Variants in HPS6 observed in about 807,000 individuals in gnomAD.
The protein encoded by HPS6 is BLOC-2 complex member HPS6.
HPS6 carries 46 observed loss-of-function variants against 53.6 expected under a neutral mutation model. The ratio of observed to expected loss-of-function variants is 0.86; its 90% CI spans 0.68 to 1.10. The LOEUF (loss-of-function observed/expected upper bound fraction) is 1.10, where lower values mean the gene tolerates loss of function less well. HPS6 is among the 50% of genes least tolerant of loss of function. The pLI, the probability that HPS6 is intolerant of heterozygous loss-of-function variation, is 0.00. For synonymous variants in HPS6, 535 were observed against 470.8 expected, an observed-to-expected ratio of 1.14 and a Z score of -1.77; for missense variants, 1,034 against 991.3, an observed-to-expected ratio of 1.04 and a Z score of -0.58.
chr10:102,067,094 C>A lies in HPS6; in HGVS notation c.1620C>A (p.Pro540=). The change falls in exon 1 of 1, where the codon CCC becomes CCA. Residue 540 remains proline (P), a synonymous_variant. Coordinates refer to ENST00000299238, the MANE Select transcript of HPS6 (RefSeq NM_024747.6). Reference sequence around the variant, plus strand: ...ATGGCAAGCTGAGGTCCCAAGCACCCCCTGATGTGTGGAAGAAAGTGTTAG... The same window carrying A: ...ATGGCAAGCTGAGGTCCCAAGCACCACCTGATGTGTGGAAGAAAGTGTTAG... ...DGNGKLRSQA[P]PDVWKKVLGG... is the part of the protein sequence containing the mutation. The A allele has an allele frequency of 1.9e-5, 31 of 1,614,154 alleles. No individual in the cohort carries two copies. The highest frequency in any genetic ancestry group is 2.6e-5 in the Non-Finnish European group (31 of 1,180,022).
Position 102,066,033 on chromosome 10 carries a change from C to G in HPS6, c.559C>G (p.His187Asp). Residue 187 changes from histidine to aspartate, a missense_variant, in exon 1 of 1, where the codon CAC (histidine) becomes GAC (aspartate). Transcript: ENST00000299238. ...SLGRTHVLLHHCPAFGLLASC... is the reference protein window; with the variant it reads ...SLGRTHVLLHDCPAFGLLASC... ...GGGCCGCACACACGTCCTGCTGCAC[C>G]ACTGCCCTGCCTTCGGGCTGCTGGC... 6.2e-7 allele frequency: 1 copy of G among 1,607,836 alleles called. No individual in the cohort carries two copies. Among genetic ancestry groups the G allele is most frequent in the Non-Finnish European group, 8.5e-7 (1 of 1,179,986 alleles).
chr10:102,066,594 A>C lies in HPS6; in HGVS notation c.1120A>C (p.Asn374His). ...EDEEELETRGNLRLLSALGLF... is the reference protein window; with the variant it reads ...EDEEELETRGHLRLLSALGLF... ...TGAGGAAGAGCTGGAGACCCGAGGGAATCTTCGTCTGCTTTCAGCCTTGGG... is the reference window on the plus strand; with the variant it reads ...TGAGGAAGAGCTGGAGACCCGAGGGCATCTTCGTCTGCTTTCAGCCTTGGG... Residue 374 changes from asparagine (N) to histidine (H), a missense_variant, in exon 1 of 1, where the codon AAT (asparagine) becomes CAT (histidine). By Grantham distance (68) the Asn-to-His change is moderately conservative (BLOSUM62 1). Coordinates refer to ENST00000299238, the MANE Select transcript of HPS6 (RefSeq NM_024747.6). 3 of 1,614,030 alleles carry C rather than the reference A, an allele frequency of 1.9e-6. No individual in the cohort carries two copies. The highest frequency in any genetic ancestry group is 2.5e-6 in the Non-Finnish European group (3 of 1,180,024).
rs2067970108 is a variant in HPS6, at chr10:102,066,368, G to A, written c.894G>A (p.Thr298=). The A allele has an allele frequency of 6.2e-7, 1 of 1,613,856 alleles. No individual in the cohort carries two copies. Among genetic ancestry groups the A allele is most frequent in the Non-Finnish European group, 8.5e-7 (1 of 1,180,034 alleles). ...TVSLLQSHGG[T]RAVGTLQEAP... is the part of the protein sequence containing the mutation. ...GCCTATTGCAGTCCCACGGTGGTAC[G>A]CGGGCTGTGGGCACCCTGCAGGAGG... Residue 298 remains threonine (T), a synonymous_variant, in exon 1 of 1, where the codon ACG becomes ACA. Transcript: ENST00000299238.
Position 102,066,137 on chromosome 10 carries a change from A to C in HPS6, c.663A>C (p.Pro221=). The change falls in exon 1 of 1, where the codon CCA becomes CCC. Residue 221 remains proline (P), a synonymous_variant. Coordinates refer to ENST00000299238, the MANE Select transcript of HPS6 (RefSeq NM_024747.6). ...CCCACGTTCTACTCATCTGGAGCCC[A>C]GGCAAGGGCAAAGTGATGGTGGCTG... ...GVAHVLLIWS[P]GKGKVMVAAP... is the part of the protein sequence containing the mutation. 6.2e-7 allele frequency: 1 copy of C among 1,613,796 alleles called. No individual in the cohort carries two copies. The highest frequency in any genetic ancestry group is 8.5e-7 in the Non-Finnish European group (1 of 1,180,044).
In HPS6 at chr10:102,066,584, G is replaced by C. The variant is rs2067972201; in HGVS notation, c.1110G>C (p.Glu370Asp). The change falls in exon 1 of 1, where the codon GAG becomes GAC. Residue 370 changes from glutamate (E) to aspartate (D), a missense_variant. Physicochemically the swap from Glu to Asp is conservative, Grantham distance 45. Coordinates refer to ENST00000299238, the MANE Select transcript of HPS6 (RefSeq NM_024747.6). ...GCATGGAGGATGAGGAAGAGCTGGA[G>C]ACCCGAGGGAATCTTCGTCTGCTTT... ...APGMEDEEEL[E>D]TRGNLRLLSA... 6.2e-7 allele frequency: 1 copy of C among 1,614,006 alleles called. No homozygotes were observed. Among genetic ancestry groups the C allele is most frequent in the South Asian group, 1.1e-5 (1 of 91,092 alleles).
rs1436670653 is a variant in HPS6, at chr10:102,065,993, A to G, written c.519A>G (p.Glu173=). 2 of 1,601,528 alleles carry G rather than the reference A, an allele frequency of 1.2e-6. No homozygotes were observed. The highest frequency in any genetic ancestry group is 2.7e-5 in the African/African-American group (2 of 75,040). Residue 173 remains glutamate (E), a synonymous_variant, in exon 1 of 1, where the codon GAA becomes GAG. Transcript: ENST00000299238. ...VCVRTLEPSG[E]ASTSLGRTHV... ...TCCGGACTCTGGAGCCCAGCGGGGAAGCTAGCACCAGCCTGGGCCGCACAC... is the reference window on the plus strand; with the variant it reads ...TCCGGACTCTGGAGCCCAGCGGGGAGGCTAGCACCAGCCTGGGCCGCACAC...
At position 102,065,399 on chromosome 10, in the gene HPS6, C is replaced by G. The variant is rs948343637; in HGVS notation, c.-76C>G. On this transcript the variant is annotated 5_prime_UTR_variant, in exon 1 of 1. Coordinates refer to ENST00000299238, the MANE Select transcript of HPS6 (RefSeq NM_024747.6). ...CGGAAGTCTTGGCCCTGCTCCGCTC[C>G]CCCGAGAATCGGGCCTCGCCCTGCT... 4.9e-6 allele frequency: 7 copies of G among 1,435,612 alleles called. No individual in the cohort carries two copies. Among genetic ancestry groups the G allele is most frequent in the Non-Finnish European group, 5.5e-6 (6 of 1,081,864 alleles). 88.9% of individuals were successfully genotyped at this position (1,435,612 alleles called of 1,614,324 possible). A position where few individuals can be genotyped will look rare whatever the true frequency, so the allele number is the denominator to read the frequency against.
In HPS6 at chr10:102,065,387, C is replaced by T; in HGVS notation, c.-88C>T. On this transcript the variant is annotated 5_prime_UTR_variant, in exon 1 of 1. Transcript: ENST00000299238. ...ATCCACGGGAGACGGAAGTCTTGGC[C>T]CTGCTCCGCTCCCCCGAGAATCGGG... is the stretch of plus-strand genomic sequence containing the variant. 7.3e-7 allele frequency: 1 copy of T among 1,375,426 alleles called. No individual in the cohort carries two copies. The highest frequency in any genetic ancestry group is 1.3e-5 in the South Asian group (1 of 75,102). The allele number at this position is 1,375,426 out of a possible 1,614,324, so 85.2% of individuals were successfully genotyped here. A position where few individuals can be genotyped will look rare whatever the true frequency, so the allele number is the denominator to read the frequency against.
In HPS6 at chr10:102,065,686, G is replaced by A; in HGVS notation, c.212G>A (p.Trp71Ter). Residue 71 changes from tryptophan (W) to a stop codon, truncating the protein, a stop_gained, in exon 1 of 1, where the codon TGG becomes TAG. Coordinates refer to ENST00000299238, the MANE Select transcript of HPS6 (RefSeq NM_024747.6). LOFTEE classifies it high-confidence loss of function. ...CCCGGCGCGGAGCTAGAGCGGGCCT[G>A]GCCGGCCGGCCAGCCCTCCCCGCTG... ...RGPGAELERA[W>*]PAGQPSPLDA... is the part of the protein sequence containing the mutation. 6.6e-7 allele frequency: 1 copy of A among 1,519,774 alleles called. No homozygotes were observed. The highest frequency in any genetic ancestry group is 1.4e-5 in the African/African-American group (1 of 69,946). The allele number at this position is 1,519,774 out of a possible 1,614,324, so 94.1% of individuals were successfully genotyped here.
chr10:102,067,211 G>A lies in HPS6; in HGVS notation c.1737G>A (p.Trp579Ter). 6.2e-7 allele frequency: 1 copy of A among 1,613,240 alleles called. No homozygotes were observed. Among genetic ancestry groups the A allele is most frequent in the Non-Finnish European group, 8.5e-7 (1 of 1,180,020 alleles). Residue 579 changes from tryptophan (W) to a stop codon, truncating the protein, a stop_gained, in exon 1 of 1, where the codon TGG becomes TGA. Transcript: ENST00000299238. LOFTEE classifies it high-confidence loss of function. ...GTCTGTGCCAGCTGGAGCCTCGATG[G>A]CTGCCACCCTTTGTGGAGCTGGCAC... ...CQCLCQLEPR[W>*]LPPFVELAQQ...
Position 102,065,941 on chromosome 10 carries a change from C to T in HPS6, c.467C>T (p.Ala156Val), listed in dbSNP as rs957273210. 9.5e-6 allele frequency: 15 copies of T among 1,580,746 alleles called. No homozygotes were observed. The highest frequency in any genetic ancestry group is 1.3e-5 in the African/African-American group (1 of 74,696). ...GCCGAGGGCCCGTCAGGGTCGCCAG[C>T]AGCCGCTTTCAGCCACTGTGTGTGC... ...ARAEGPSGSP[A>V]AAFSHCVCVR... Residue 156 changes from alanine to valine, a missense_variant, in exon 1 of 1, where the codon GCA (alanine) becomes GTA (valine). Ala to Val is a moderately conservative substitution (Grantham distance 64). Coordinates refer to ENST00000299238, the MANE Select transcript of HPS6 (RefSeq NM_024747.6).
chr10:102,067,948 C>T lies in HPS6; in HGVS notation c.*146C>T. 1 of 900,906 alleles carries T rather than the reference C, an allele frequency of 1.1e-6. No homozygotes were observed. Among genetic ancestry groups the T allele is most frequent in the Non-Finnish European group, 1.8e-6 (1 of 547,774 alleles). 55.8% of individuals were successfully genotyped at this position (900,906 alleles called of 1,614,324 possible). On this transcript the variant is annotated 3_prime_UTR_variant, in exon 1 of 1. Coordinates refer to ENST00000299238, the MANE Select transcript of HPS6 (RefSeq NM_024747.6). The stretch of plus-strand genomic sequence containing the variant: ...AAGGGTGCCTGGGACTTGGAGGGTC[C>T]CATGTATGGACCTGTGTATGCAATA...
At position 102,067,563 on chromosome 10, in the gene HPS6, C is replaced by G; in HGVS notation, c.2089C>G (p.Pro697Ala). 6 of 1,613,748 alleles carry G rather than the reference C, an allele frequency of 3.7e-6. No homozygotes were observed. The highest frequency in any genetic ancestry group is 1.1e-5 in the South Asian group (1 of 91,084). ...HLPLLCRLCP[P>A]ELAPAELLLL... is the part of the protein sequence containing the mutation. ...CCCCCTCCTTTGCCGCCTGTGCCCA[C>G]CAGAACTGGCTCCAGCTGAGCTCCT... Residue 697 changes from proline (P) to alanine (A), a missense_variant, in exon 1 of 1, where the codon CCA becomes GCA. By Grantham distance (27) the Pro-to-Ala change is conservative (BLOSUM62 -1). Coordinates refer to ENST00000299238, the MANE Select transcript of HPS6 (RefSeq NM_024747.6).
At position 102,065,815 on chromosome 10, in the gene HPS6, C is replaced by T. The variant is rs1227464442; in HGVS notation, c.341C>T (p.Pro114Leu). 6.7e-7 allele frequency: 1 copy of T among 1,489,960 alleles called. No individual in the cohort carries two copies. The highest frequency in any genetic ancestry group is 8.8e-7 in the Non-Finnish European group (1 of 1,130,352). The allele number at this position is 1,489,960 out of a possible 1,614,324, so 92.3% of individuals were successfully genotyped here. ...WGAGVGPGWRPLQSTELCPGG... is the reference protein window; with the variant it reads ...WGAGVGPGWRLLQSTELCPGG... ...GCGGGCGTGGGGCCTGGCTGGCGGC[C>T]GCTGCAGAGCACCGAGCTGTGTCCG... The change falls in exon 1 of 1, where the codon CCG (proline) becomes CTG (leucine). Residue 114 changes from proline to leucine, a missense_variant. Pro to Leu is a moderately conservative substitution (Grantham distance 98). Transcript: ENST00000299238.
At position 102,066,640 on chromosome 10, in the gene HPS6, A is replaced by G. The variant is rs377250561; in HGVS notation, c.1166A>G (p.Glu389Gly). 6.2e-7 allele frequency: 1 copy of G among 1,613,912 alleles called. No homozygotes were observed. The highest frequency in any genetic ancestry group is 8.5e-7 in the Non-Finnish European group (1 of 1,180,032). ...SALGLFCVGW[E>G]APQGVELPSA... ...TTGGGTCTGTTTTGTGTGGGCTGGG[A>G]AGCCCCACAGGGTGTTGAGTTGCCT... The change falls in exon 1 of 1, where the codon GAA (glutamate) becomes GGA (glycine). Residue 389 changes from glutamate to glycine, a missense_variant. Transcript: ENST00000299238.
Position 102,066,467 on chromosome 10 carries a change from A to G in HPS6, c.993A>G (p.Thr331=). 1.2e-6 allele frequency: 2 copies of G among 1,614,136 alleles called. No individual in the cohort carries two copies. The highest frequency in any genetic ancestry group is 1.7e-6 in the Non-Finnish European group (2 of 1,180,002). Residue 331 remains threonine (T), a synonymous_variant, in exon 1 of 1, where the codon ACA becomes ACG. Transcript: ENST00000299238. ...CTCTGGCCTGTGTGCTGGGCTCCAC[A>G]TTGGAACTGCTGGACATGGGCAGTG... ...QGTLACVLGS[T]LELLDMGSGQ...
At position 102,065,544 on chromosome 10, in the gene HPS6, G is replaced by C; in HGVS notation, c.70G>C (p.Glu24Gln). 1 of 1,550,562 alleles carries C rather than the reference G, an allele frequency of 6.4e-7. No homozygotes were observed. Among genetic ancestry groups the C allele is most frequent in the Non-Finnish European group, 8.6e-7 (1 of 1,159,962 alleles). ...CTTCGGCGGCGCGGCGCGGCTCCGG[G>C]AGCTGGTGGCCGGGGACTCAGCGGT... ...SAFGGAARLR[E>Q]LVAGDSAVRV... is the part of the protein sequence containing the mutation. Residue 24 changes from glutamate (E) to glutamine (Q), a missense_variant, in exon 1 of 1, where the codon GAG (glutamate) becomes CAG (glutamine). Transcript: ENST00000299238.
At position 102,067,355 on chromosome 10, in the gene HPS6, C is replaced by T. The variant is rs1419592571; in HGVS notation, c.1881C>T (p.Leu627=). Reference sequence around the variant, plus strand: ...CTGAGGCTCTGGAGCTAGAGCTGCTCTTGAGCAGTGGGCGGCCTAAAGCTG... The same window carrying T: ...CTGAGGCTCTGGAGCTAGAGCTGCTTTTGAGCAGTGGGCGGCCTAAAGCTG... ...TRPEALELEL[L]LSSGRPKAVL... Residue 627 remains leucine (L), a synonymous_variant, in exon 1 of 1, where the codon CTC becomes CTT. Transcript: ENST00000299238. 6.2e-7 allele frequency: 1 copy of T among 1,613,162 alleles called. No homozygotes were observed. The highest frequency in any genetic ancestry group is 8.5e-7 in the Non-Finnish European group (1 of 1,179,952).
In HPS6 at chr10:102,067,781, G is replaced by C; in HGVS notation, c.2307G>C (p.Pro769=). The C allele has an allele frequency of 1.2e-6, 2 of 1,613,002 alleles. 1 individual carries two copies. Among genetic ancestry groups the C allele is most frequent in the Non-Finnish European group, 1.7e-6 (2 of 1,179,996 alleles). ...TATGGGACCCCAGCACTCCACCCCCGACTCCACCTCGGGACCTATGACTAC... is the reference window on the plus strand; with the variant it reads ...TATGGGACCCCAGCACTCCACCCCCCACTCCACCTCGGGACCTATGACTAC... ...DILWDPSTPP[P]TPPRDL Residue 769 remains proline (P), a synonymous_variant, in exon 1 of 1, where the codon CCG becomes CCC. Coordinates refer to ENST00000299238, the MANE Select transcript of HPS6 (RefSeq NM_024747.6).
Sources: allele counts gnomAD v4.1 joint callset, GRCh38; gene constraint gnomAD v4.1.1; transcripts MANE v1.5; gene names NCBI Gene and HGNC (gene_info 2026-07-23, HGNC 2026-07-21).